Variants in GFRA2 observed in about 807,000 individuals in gnomAD.
The protein encoded by GFRA2 is GDNF family receptor alpha-2.
GFRA2 carries 17 observed loss-of-function variants against 48.3 expected under a neutral mutation model. The ratio of observed to expected loss-of-function variants is 0.35; its 90% confidence interval spans 0.24 to 0.53. The LOEUF is 0.53. GFRA2 is among the 20% of genes least tolerant of loss of function. The probability of loss-of-function intolerance (pLI) is 0.93; values close to 1 mark genes in which losing one functional copy is unlikely to be tolerated. For missense variants in GFRA2, 660 were observed against 637.3 expected (o/e 1.04, Z -0.38); for synonymous variants, 305 against 257.2 (o/e 1.19, Z -1.78).
intron 7 of GFRA2, among the ~76,000 whole-genome samples, chr8:21,700,069 C>T (rs369458252): frequency 6.6e-5 from 10 of 152,042 alleles, no homozygotes; most frequent in African/African-American, 2.4e-5. Context: ...CAGGGTAGGA[C>T]GCACCAGGTG....
chr8:21,742,110 G>A (rs1267384198), intron 4 of GFRA2, among the ~76,000 whole-genome samples: 1 of 152,080 alleles, frequency 6.6e-6, no homozygotes, highest in Non-Finnish European at 1.5e-5. Flanking sequence ...GATACAGAAT[G>A]GGAGCCAAAC....
intron 2 of GFRA2, among the ~76,000 whole-genome samples, chr8:21,795,304 C>T (rs996449330): frequency 2.6e-5 from 4 of 152,078 alleles, no homozygotes; most frequent in African/African-American, 7.2e-5. Context: ...GGGAGGGGGG[C>T]GTGAGAGAAT....
At chr8:21,760,738 C>T (rs891785932) in intron 3 of GFRA2, among the ~76,000 whole-genome samples, 3 of 152,118 alleles carry the variant, frequency 2.0e-5, no homozygotes, top group African/African-American at 7.2e-5. Context: ...CCACATAACT[C>T]AGTGAGGCGC....
intron 4 of GFRA2, among the ~76,000 whole-genome samples, chr8:21,712,900 G>A (rs922495082): frequency 1.2e-4 from 18 of 152,094 alleles, no homozygotes; most frequent in South Asian, 4.1e-4. Context: ...GCAGGCACTC[G>A]GCAGGCTGAG....
chr8:21,740,204 AC>A (rs1461131464), intron 4 of GFRA2, among the ~76,000 whole-genome samples: 1 of 151,862 alleles, frequency 6.6e-6, no homozygotes, highest in East Asian at 1.9e-4. Context: ...GCCTTCCTCG[AC>A]CTCACTCCAC....
chr8:21,782,960 T>G (rs1807085354), intron 1 of GFRA2, 61 bp from the exon 2 acceptor site: 2 of 1,459,906 alleles, frequency 1.4e-6, no homozygotes, highest in South Asian at 2.4e-5. Context: ...CCACCCAAGA[T>G]GCAGGCCTGG....
At chr8:21,724,207 T>C (rs1249046462) in intron 4 of GFRA2, among the ~76,000 whole-genome samples, 2 of 151,738 alleles carry the variant, frequency 1.3e-5, no homozygotes, top group African/African-American at 4.8e-5. Flanking sequence ...CCTGACAGTA[T>C]CTCCCTGCAG....
intron 7 of GFRA2, among the ~76,000 whole-genome samples, chr8:21,699,136 G>A (rs991855300): frequency 1.1e-4 from 17 of 152,212 alleles, no homozygotes; most frequent in Non-Finnish European, 1.9e-4. Context: ...GTTAGCCTCG[G>A]TGCCTGGGAT....
intron 1 of GFRA2, among the ~76,000 whole-genome samples, chr8:21,807,364 C>A (rs562579044): frequency 2.8e-4 from 42 of 152,294 alleles, no homozygotes; most frequent in African/African-American, 9.9e-4. Flanking sequence ...AAGCCCTCAC[C>A]AGACGCCAGC....
At chr8:21,737,454 A>C (rs1175893038) in intron 4 of GFRA2, among the ~76,000 whole-genome samples, 1 of 152,040 alleles carries the variant, frequency 6.6e-6, no homozygotes, top group African/African-American at 2.4e-5. Flanking sequence ...GCTCTTATCA[A>C]GCAACACCTT....
chr8:21,759,497 G>A (rs1339535114), intron 3 of GFRA2, among the ~76,000 whole-genome samples: 5 of 124,070 alleles, frequency 4.0e-5, no homozygotes, highest in African/African-American at 1.2e-4. Flanking sequence ...AAGGAAGGAA[G>A]GAAGGAAGGA....
At chr8:21,769,626 G>C (rs1806350627) in intron 3 of GFRA2, among the ~76,000 whole-genome samples, 1 of 152,084 alleles carries the variant, frequency 6.6e-6, no homozygotes, top group African/African-American at 2.4e-5. Flanking sequence ...CGTGATGCCA[G>C]GATCCTCGGG....
chr8:21,790,870 A>G (rs1807560098), upstream of GFRA2, among the ~76,000 whole-genome samples: 1 of 152,202 alleles, frequency 6.6e-6, no homozygotes, highest in Non-Finnish European at 1.5e-5. Context: ...GGATAAGTGT[A>G]GGTTAAAAGA....
chr8:21,741,429 CCT>C (rs1454632699), intron 4 of GFRA2, among the ~76,000 whole-genome samples: 1 of 152,228 alleles, frequency 6.6e-6, no homozygotes, highest in South Asian at 2.1e-4. Flanking sequence ...CCTCTCTGCC[CCT>C]GTTATTCTCT....
chr8:21,709,226 C>T (rs1489530325), intron 4 of GFRA2, among the ~76,000 whole-genome samples: 1 of 152,242 alleles, frequency 6.6e-6, no homozygotes, highest in Non-Finnish European at 1.5e-5. Context: ...CCAGCTCTCT[C>T]CTGACCCACC....
chr8:21,713,967 C>T (rs1803200471), intron 4 of GFRA2, among the ~76,000 whole-genome samples: 1 of 152,152 alleles, frequency 6.6e-6, no homozygotes, highest in Non-Finnish European at 1.5e-5. Flanking sequence ...AGAGAAAGCC[C>T]ACAGTTACGT....
intron 4 of GFRA2, among the ~76,000 whole-genome samples, chr8:21,746,659 T>C (rs1040723275): frequency 6.6e-6 from 1 of 152,044 alleles, no homozygotes; most frequent in Non-Finnish European, 1.5e-5. Context: ...TCAGAAACTG[T>C]CAGCCCTCAG....
intron 4 of GFRA2, among the ~76,000 whole-genome samples, chr8:21,720,476 T>C (rs893021141): frequency 8.5e-5 from 13 of 152,138 alleles, no homozygotes; most frequent in African/African-American, 3.1e-4. Context: ...TGAGGAGCCC[T>C]GTGTATTTCT....
intron 4 of GFRA2, among the ~76,000 whole-genome samples, chr8:21,715,028 A>G (rs1475274917): frequency 2.6e-5 from 4 of 152,216 alleles, no homozygotes; most frequent in Admixed American, 2.6e-4. Context: ...AGTGGGTTCA[A>G]TGTGATGTGA....
Sources: gnomAD v4.1 joint callset for allele counts (sites outside exome capture counted in the v4.1 genomes callset) on GRCh38, gnomAD v4.1.1 for gene constraint, MANE v1.5 for transcripts, NCBI Gene and HGNC (gene_info 2026-07-23, HGNC 2026-07-21) for gene names.